Variants in RECQL observed in about 807,000 individuals in gnomAD.
RECQL encodes RecQ like helicase, also known as ATP-dependent DNA helicase Q1.
Under a neutral mutation model 75.8 loss-of-function variants are expected in RECQL, and 73 were observed. That is an observed-to-expected ratio of 0.96 (90% CI 0.80 to 1.17). RECQL has a LOEUF of 1.17. Among genes scored for constraint, RECQL ranks in the 50% most tolerant of loss-of-function variants. RECQL has a pLI of 0.00. For missense variants in RECQL, 699 were observed against 772.1 expected, an observed-to-expected ratio of 0.91 and a Z score of 1.12; for synonymous variants, 248 against 254.4, an observed-to-expected ratio of 0.97 and a Z score of 0.24.
At chr12:21,485,911 G>T (rs1943286915) in intron 5 of RECQL, among the ~76,000 whole-genome samples, 2 of 151,788 alleles carry the variant, frequency 1.3e-5, no homozygotes, top group Non-Finnish European at 2.9e-5. Context: ...ACAGATGAGG[G>T]TAAGACAGTC....
chr12:21,476,057 T>C (rs1256554664), intron 8 of RECQL, among the ~76,000 whole-genome samples: 1 of 152,068 alleles, frequency 6.6e-6, no homozygotes, highest in African/African-American at 2.4e-5. Context: ...TCCTGTTATC[T>C]CTTTTCTCTC....
At chr12:21,482,539 G>A (rs1369589964) in intron 6 of RECQL, among the ~76,000 whole-genome samples, 1 of 152,160 alleles carries the variant, frequency 6.6e-6, no homozygotes, top group Non-Finnish European at 1.5e-5. Context: ...CAGGAATGGG[G>A]AAAGCCAAAG....
At chr12:21,490,090 T>A (rs1374392423) in intron 4 of RECQL, 109 bp downstream of exon 4, 3 of 529,830 alleles carry the variant, frequency 5.7e-6, no homozygotes, top group Non-Finnish European at 9.4e-6. Context: ...CAAACAAAAA[T>A]GCACTTGATT....
rs1184880793 is a variant in RECQL, at chr12:21,470,124, TCTAA to T, written c.*66_*69del. The T allele has an allele frequency of 5.2e-6, 8 of 1,538,028 alleles. No individual in the cohort carries two copies. Among genetic ancestry groups the T allele is most frequent in the Admixed American group, 3.9e-5 (2 of 50,944 alleles). ...TATGAAATTCTTTTAAAAACTATTG[TCTAA>T]CTACAAAAATAATGGCATATACATG... On this transcript the variant is annotated 3_prime_UTR_variant, in exon 15 of 15. Transcript: ENST00000444129.
At chr12:21,488,725 C>G (rs1421692525) in intron 4 of RECQL, among the ~76,000 whole-genome samples, 3 of 152,122 alleles carry the variant, frequency 2.0e-5, no homozygotes, top group African/African-American at 7.2e-5. Flanking sequence ...ATACCAAGTC[C>G]CATTGAATCT....
chr12:21,500,882 A>G (rs1040833297), intron 1 of RECQL, among the ~76,000 whole-genome samples: 1 of 152,186 alleles, frequency 6.6e-6, no homozygotes, highest in Non-Finnish European at 1.5e-5. Context: ...CTCCTTCCCA[A>G]AATGATGTGA....
At chr12:21,496,288 T>C (rs1481436547) in intron 2 of RECQL, among the ~76,000 whole-genome samples, 1 of 152,246 alleles carries the variant, frequency 6.6e-6, no homozygotes, top group Non-Finnish European at 1.5e-5. Context: ...ATTTCATTAA[T>C]AAGACAGAAC....
At chr12:21,484,173 C>T (rs957436495) in intron 5 of RECQL, among the ~76,000 whole-genome samples, 3 of 151,918 alleles carry the variant, frequency 2.0e-5, no homozygotes, top group Admixed American at 6.6e-5. Flanking sequence ...CAATACTTAG[C>T]ATATTAGATG....
chr12:21,475,265 AAC>A (rs1422727711), intron 10 of RECQL, among the ~76,000 whole-genome samples: 3 of 152,124 alleles, frequency 2.0e-5, no homozygotes, highest in South Asian at 4.1e-4. Context: ...AAATTATCTT[AAC>A]ACACATAAAA....
chr12:21,485,548 T>C (rs189990283), intron 5 of RECQL, among the ~76,000 whole-genome samples: 3 of 151,252 alleles, frequency 2.0e-5, no homozygotes, highest in Non-Finnish European at 3.0e-5. Context: ...ATATTTTTTT[T>C]TAAAAAAAAC....
rs1183244898 is a variant in RECQL, at chr12:21,469,911, AAAACTT to A, written c.*277_*282del. Reference sequence around the variant, plus strand: ...TATAGCTAAGTATATAAAGGCATAAAAAACTTAAGACGATTGTATGAACTTATTCTC... The same window carrying A: ...TATAGCTAAGTATATAAAGGCATAAAAAGACGATTGTATGAACTTATTCTC... On this transcript the variant is annotated 3_prime_UTR_variant, in exon 15 of 15. Coordinates refer to ENST00000444129, the MANE Select transcript of RECQL (RefSeq NM_002907.4). The A allele has an allele frequency of 7.2e-6, 2 of 276,872 alleles. No individual in the cohort carries two copies. Among genetic ancestry groups the A allele is most frequent in the Non-Finnish European group, 1.3e-5 (2 of 149,616 alleles). The allele number at this position is 276,872 out of a possible 1,614,324, so 17.2% of individuals were successfully genotyped here.
intron 6 of RECQL, 60 bp downstream of exon 6, chr12:21,483,316 C>T (rs1943226488): frequency 1.8e-6 from 2 of 1,087,064 alleles, no homozygotes; most frequent in Admixed American, 4.5e-5. Flanking sequence ...TCCATCATGC[C>T]AAGCTGAGTA....
chr12:21,470,739 C>G (rs1942929470), intron 14 of RECQL: 1 of 350,946 alleles, frequency 2.8e-6, no homozygotes, highest in Non-Finnish European at 5.0e-6. Context: ...CGGAGTCCTC[C>G]CATTCCAAGA....
intron 6 of RECQL, among the ~76,000 whole-genome samples, chr12:21,478,185 A>G (rs188198198): frequency 2.8e-4 from 42 of 152,306 alleles, no homozygotes; most frequent in African/African-American, 9.6e-4. Context: ...CTCAAGAGAC[A>G]GTGGGTATAG....
rs746041500 is a variant in RECQL at position 21,476,941 on chromosome 12, G to T, written c.919C>A (p.Leu307Ile). Residue 307 changes from leucine to isoleucine, a missense_variant, in exon 8 of 15, where the codon CTC becomes ATC. Leu to Ile is a conservative substitution (Grantham distance 5). Coordinates refer to ENST00000444129, the MANE Select transcript of RECQL (RefSeq NM_002907.4). The part of the protein sequence containing the change: ...TEDFIEDIVK[L>I]INGRYKGQSG... ...TGCCCTTTGTATCTCCCATTAATGAGCTTTACAATATCCTCAATAAAATCT... is the reference window on the plus strand; with the variant it reads ...TGCCCTTTGTATCTCCCATTAATGATCTTTACAATATCCTCAATAAAATCT... 2 of 1,608,964 alleles carry T rather than the reference G, an allele frequency of 1.2e-6. No individual in the cohort carries two copies. Among genetic ancestry groups the T allele is most frequent in the Non-Finnish European group, 1.7e-6 (2 of 1,177,808 alleles).
At chr12:21,494,573 T>C (rs1256690791) in intron 2 of RECQL, among the ~76,000 whole-genome samples, 3 of 151,966 alleles carry the variant, frequency 2.0e-5, no homozygotes, top group African/African-American at 7.3e-5. Flanking sequence ...ATAAAACAGG[T>C]ATAGAGTCCA....
chr12:21,477,567 CAT>C (rs1233780744), intron 7 of RECQL, among the ~76,000 whole-genome samples: 1 of 152,126 alleles, frequency 6.6e-6, no homozygotes, highest in Non-Finnish European at 1.5e-5. Context: ...ATGACTTACT[CAT>C]ATGTTTTATA....
At chr12:21,470,492 T>A (rs1329554041) in intron 14 of RECQL, 146 bp from the exon 15 acceptor site, 14 of 1,037,590 alleles carry the variant, frequency 1.3e-5, no homozygotes, top group African/African-American at 1.6e-5. Context: ...ATCTACAAAT[T>A]TCTATTCAAA....
In RECQL at chr12:21,469,686, AT is replaced by A. The variant is rs201322313; in HGVS notation, c.*507del. 0.036 allele frequency: 4,970 copies of A among 139,288 alleles called. 115 individuals are homozygous for A. Among genetic ancestry groups the A allele is most frequent in the Middle Eastern group, 0.094 (20 of 212 alleles). The allele number at this position is 139,288 out of a possible 1,614,324, so 8.6% of individuals were successfully genotyped here. ...CTTAAAACATGAGATTTTTCTTGCAATTTTTTTTTTAAGCTCATCAGCTATC... is the reference window on the plus strand; with the variant it reads ...CTTAAAACATGAGATTTTTCTTGCAATTTTTTTTTAAGCTCATCAGCTATC... On this transcript the variant is annotated 3_prime_UTR_variant, in exon 15 of 15. Transcript: ENST00000444129.
Sources: gnomAD v4.1 joint callset for allele counts (sites outside exome capture counted in the v4.1 genomes callset) on GRCh38, gnomAD v4.1.1 for gene constraint, MANE v1.5 for transcripts, NCBI Gene and HGNC (gene_info 2026-07-23, HGNC 2026-07-21) for gene names.